Variants in POMT2 observed in about 807,000 individuals in gnomAD.
POMT2 encodes the protein protein O-mannosyltransferase 2.
Under a neutral mutation model 100.0 loss-of-function variants are expected in POMT2, and 75 were observed. The observed-to-expected ratio is 0.75, with a 90% CI of 0.62 to 0.91. The LOEUF is 0.91. POMT2 is among the 40% of genes least tolerant of loss of function. The probability of loss-of-function intolerance (pLI) is 0.00; values close to 1 mark genes in which losing one functional copy is unlikely to be tolerated. For missense variants in POMT2, 940 were observed against 955.1 expected (o/e 0.98, Z 0.21); for synonymous variants, 378 against 374.1 (o/e 1.01, Z -0.12).
chr14:77,280,284 G>C, intron 16 of POMT2, 108 bp downstream of exon 16: 1 of 1,573,134 alleles, frequency 6.4e-7, no homozygotes, highest in South Asian at 1.1e-5. Flanking sequence ...CCCATCCCAG[G>C]AGGCCCCTCG....
intron 2 of POMT2, among the ~76,000 whole-genome samples, chr14:77,308,365 T>TG (rs1208146618): frequency 6.7e-6 from 1 of 149,850 alleles, no homozygotes; most frequent in Non-Finnish European, 1.5e-5. Flanking sequence ...TGTTTTTTTT[T>TG]TTTTTTTGAG....
chr14:77,288,624 G>A, intron 11 of POMT2, 138 bp downstream of exon 11: 1 of 737,402 alleles, frequency 1.4e-6, no homozygotes, highest in South Asian at 1.5e-5. Context: ...TTCATAAAAT[G>A]CTTCTCCCAT....
chr14:77,301,669 C>T (rs917540522), intron 5 of POMT2, among the ~76,000 whole-genome samples: 2 of 152,182 alleles, frequency 1.3e-5, no homozygotes, highest in South Asian at 2.1e-4. Flanking sequence ...GTATGCGTCA[C>T]GCATCATTCC....
intron 14 of POMT2, 136 bp from the exon 15 acceptor site, chr14:77,284,009 G>T: frequency 3.9e-6 from 3 of 769,738 alleles, no homozygotes; most frequent in South Asian, 2.9e-5. Context: ...ACAGAAGAAA[G>T]CTTGGCCCAA....
intron 2 of POMT2, 95 bp from the exon 3 acceptor site, chr14:77,306,536 G>C: frequency 3.5e-6 from 5 of 1,433,820 alleles, no homozygotes; most frequent in Non-Finnish European, 4.8e-6. Flanking sequence ...ACAGACTTTG[G>C]GTTCCCTTGA....
Position 77,300,947 on chromosome 14 carries a change from G to A in POMT2, c.816+143C>T. On this transcript the variant is annotated intron_variant, in intron 6 of 20. Transcript: ENST00000261534. The stretch of plus-strand genomic sequence containing the variant: ...CCCACTCCCTGATGTCCTGCTGTCT[G>A]CGGAGGTTGGGGGGTCCAGCCCACC... 5 of 1,499,410 alleles carry A rather than the reference G, an allele frequency of 3.3e-6. No individual in the cohort carries two copies. The South Asian group carries it at 5.8e-5, about 17-fold the overall frequency. The allele number at this position is 1,499,410 out of a possible 1,614,324, so 92.9% of individuals were successfully genotyped here.
chr14:77,282,717 A>C (rs532486080), intron 15 of POMT2, among the ~76,000 whole-genome samples: 1 of 152,352 alleles, frequency 6.6e-6, no homozygotes, highest in South Asian at 2.1e-4. Context: ...CCCAATGCGC[A>C]AAAATGACAA....
chr14:77,290,782 C>T (rs775632984), intron 10 of POMT2, among the ~76,000 whole-genome samples: 5 of 152,190 alleles, frequency 3.3e-5, no homozygotes, highest in Admixed American at 2.0e-4. Context: ...CAGCAGGCAT[C>T]GAGTCACATC....
At chr14:77,279,976 G>A (rs748180680) in intron 17 of POMT2, 45 bp downstream of exon 17, 19 of 1,614,010 alleles carry the variant, frequency 1.2e-5, no homozygotes, top group Admixed American at 5.0e-5. Context: ...CGCTCTCCAC[G>A]GGCAAGTGCT....
At chr14:77,308,648 G>A (rs1050130992) in intron 2 of POMT2, 10 of 364,604 alleles carry the variant, frequency 2.7e-5, no homozygotes, top group African/African-American at 4.3e-5. Flanking sequence ...GAGCCACCGC[G>A]CCCGGCCAAC....
chr14:77,301,059 A>C, intron 6 of POMT2, 31 bp downstream of exon 6: 1 of 1,613,378 alleles, frequency 6.2e-7, no homozygotes, highest in Non-Finnish European at 8.5e-7. Context: ...GGGAGCAAAA[A>C]CATTTCCACA....
Position 77,285,645 on chromosome 14 carries a change from C to G in POMT2, c.1333-13G>C, listed in dbSNP as rs755487607. The G allele has an allele frequency of 1.8e-5, 29 of 1,610,040 alleles. No homozygotes were observed. The African/African-American group carries it at 3.2e-4, about 18-fold the overall frequency. On this transcript the variant is annotated splice_polypyrimidine_tract_variant and intron_variant, in intron 12 of 20. Coordinates refer to ENST00000261534, the MANE Select transcript of POMT2 (RefSeq NM_013382.7). The stretch of plus-strand genomic sequence containing the variant: ...CCCCTGTTCCATTCTGCCATAAAAG[C>G]CAAGAAAAAAATACAAAGAAAGTGA...
rs747020548 is a variant in POMT2, at chr14:77,296,266, G to A, written c.1014C>T (p.Ala338=). 6.3e-7 allele frequency: 1 copy of A among 1,598,686 alleles called. No individual in the cohort carries two copies. The highest frequency in any genetic ancestry group is 1.3e-5 in the African/African-American group (1 of 74,922). The change falls in exon 9 of 21, where the codon GCC becomes GCT. Residue 338 remains alanine, a synonymous_variant. Transcript: ENST00000261534. ...LHNASIPEHL[A]YGSVITVKNL... ...TCTTCACAGTGATCACAGAGCCGTA[G>A]GCCAGGTCTGGGAGGAAGGGAGACA...
chr14:77,282,551 G>A (rs569710458), intron 15 of POMT2, among the ~76,000 whole-genome samples: 16 of 152,044 alleles, frequency 1.1e-4, no homozygotes, highest in South Asian at 2.1e-4. Flanking sequence ...AATGAAACTC[G>A]TAGATTTAGT....
chr14:77,312,089 T>A, intron 1 of POMT2, 56 bp from the exon 2 acceptor site: 1 of 1,595,056 alleles, frequency 6.3e-7, no homozygotes, highest in Non-Finnish European at 8.6e-7. Flanking sequence ...AAAATCCAAA[T>A]GGCCTTCATA....
At position 77,320,479 on chromosome 14, in the gene POMT2, G is replaced by T. The variant is rs749131149; in HGVS notation, c.203C>A (p.Ser68Tyr). 6.5e-7 allele frequency: 1 copy of T among 1,545,616 alleles called. No homozygotes were observed. The highest frequency in any genetic ancestry group is 2.0e-5 in the Admixed American group (1 of 51,270). Reference sequence around the variant, plus strand: ...CAAGCGGTGGAAGCGGGTGGCGAAGGACAGCAGCGTCACCAAGGCCAGCAG... The same window carrying T: ...CAAGCGGTGGAAGCGGGTGGCGAAGTACAGCAGCGTCACCAAGGCCAGCAG... ...WALLALVTLL[S>Y]FATRFHRLDE... The change falls in exon 1 of 21, where the codon TCC becomes TAC. Residue 68 changes from serine to tyrosine, a missense_variant. Coordinates refer to ENST00000261534, the MANE Select transcript of POMT2 (RefSeq NM_013382.7).
At chr14:77,315,850 A>G (rs1891603789) in intron 1 of POMT2, among the ~76,000 whole-genome samples, 1 of 152,166 alleles carries the variant, frequency 6.6e-6, no homozygotes, top group South Asian at 2.1e-4. Context: ...TGTCTCTACT[A>G]AAAATACAAA....
chr14:77,302,382 G>A (rs1427307596), intron 5 of POMT2, among the ~76,000 whole-genome samples: 1 of 152,130 alleles, frequency 6.6e-6, no homozygotes, highest in Non-Finnish European at 1.5e-5. Context: ...AACCACTGAC[G>A]AAAGGGAGAT....
chr14:77,279,627 T>G, intron 18 of POMT2, 196 bp downstream of exon 18: 1 of 695,764 alleles, frequency 1.4e-6, no homozygotes, highest in Non-Finnish European at 2.6e-6. Flanking sequence ...AACGCTCTAG[T>G]GTTGTTGGGA....
Sources: allele counts gnomAD v4.1 joint callset (sites outside exome capture counted in the v4.1 genomes callset), GRCh38; gene constraint gnomAD v4.1.1; transcripts MANE v1.5; gene names NCBI Gene and HGNC (gene_info 2026-07-23, HGNC 2026-07-21).